KRT35: variants seen among roughly 807,000 people sequenced by gnomAD.
KRT35 encodes keratin 35.
In KRT35, 33 loss-of-function variants were observed where a neutral mutation model predicts 42.2. That is an observed-to-expected ratio of 0.78 (90% CI 0.59 to 1.05). The LOEUF (loss-of-function observed/expected upper bound fraction) is 1.05, where lower values mean the gene tolerates loss of function less well. Ranked by LOEUF, KRT35 falls within the 50% of genes least tolerant of loss-of-function variation. The pLI is 0.00. For missense variants in KRT35, 585 were observed against 589.2 expected (o/e 0.99, Z 0.07); for synonymous variants, 218 against 238.2 (o/e 0.92, Z 0.78).
chr17:41,478,916 C>A lies in KRT35; in HGVS notation c.791G>T (p.Arg264Leu), dbSNP rs573378713. 6.8e-6 allele frequency: 11 copies of A among 1,613,940 alleles called. No individual in the cohort carries two copies. Among genetic ancestry groups the A allele is most frequent in the Non-Finnish European group, 8.5e-6 (10 of 1,179,988 alleles). ...CTGGCACCTCATCTCCTCCAGAACT[C>A]GGTTCAGGTCAACAGGTGGGGCAGC... is the stretch of plus-strand genomic sequence containing the variant. ...VDAAPPVDLN[R>L]VLEEMRCQYE... Residue 264 changes from arginine (R) to leucine (L), a missense_variant, in exon 4 of 7, where the codon CGA (arginine) becomes CTA (leucine). Transcript: ENST00000246639.
At position 41,477,732 on chromosome 17, in the gene KRT35, C is replaced by T. The variant is rs369728149; in HGVS notation, c.1006G>A (p.Ala336Thr). 3 of 1,613,476 alleles carry T rather than the reference C, an allele frequency of 1.9e-6. No homozygotes were observed. Among genetic ancestry groups the T allele is most frequent in the African/African-American group, 1.3e-5 (1 of 74,906 alleles). Residue 336 changes from alanine to threonine, a missense_variant, in exon 6 of 7, where the codon GCT becomes ACT. Physicochemically the swap from Ala to Thr is moderately conservative, Grantham distance 58. Coordinates refer to ENST00000246639, the MANE Select transcript of KRT35 (RefSeq NM_002280.6). ...ELQAQHSMRDALESTLAETEA... is the reference protein window; with the variant it reads ...ELQAQHSMRDTLESTLAETEA... ...GTCTCTGCCAGGGTGGATTCCAAAG[C>T]ATCTCTCTGTGAGGGCAAGAGTTGT...
chr17:41,479,413 A>T lies in KRT35; in HGVS notation c.645T>A (p.Ser215=), dbSNP rs1411391908. ...GGGACTCCACCTGGGCCTCCAGGTCAGACTTGCACAGGGTCAGGTCATCCA... is the reference window on the plus strand; with the variant it reads ...GGGACTCCACCTGGGCCTCCAGGTCTGACTTGCACAGGGTCAGGTCATCCA... ...RILDDLTLCK[S]DLEAQVESLK... The change falls in exon 3 of 7, where the codon TCT becomes TCA. Residue 215 remains serine (S), a synonymous_variant. Coordinates refer to ENST00000246639, the MANE Select transcript of KRT35 (RefSeq NM_002280.6). The T allele has an allele frequency of 6.2e-7, 1 of 1,614,026 alleles. No homozygotes were observed. The highest frequency in any genetic ancestry group is 8.5e-7 in the Non-Finnish European group (1 of 1,180,028).
At chr17:41,479,038 C>T in intron 3 of KRT35, 43 bp from the exon 4 acceptor site, 3 of 1,568,094 alleles carry the variant, frequency 1.9e-6, no homozygotes, top group East Asian at 2.3e-5. Flanking sequence ...CAGAGGGCTG[C>T]CTCCAAGGTT....
chr17:41,480,967 G>A lies in KRT35; in HGVS notation c.131C>T (p.Pro44Leu). ...GCAGGCAGAGAAACTTCTGGCCACA[G>A]GGGAGAGACTTGGAAGCTTGCAAGA... is the stretch of plus-strand genomic sequence containing the variant. The part of the protein sequence containing the change: ...SSSCKLPSLS[P>L]VARSFSACSV... Residue 44 changes from proline (P) to leucine (L), a missense_variant, in exon 1 of 7, where the codon CCT becomes CTT. By Grantham distance (98) the Pro-to-Leu change is moderately conservative. Coordinates refer to ENST00000246639, the MANE Select transcript of KRT35 (RefSeq NM_002280.6). 6.2e-7 allele frequency: 1 copy of A among 1,614,186 alleles called. No individual in the cohort carries two copies. The highest frequency in any genetic ancestry group is 8.5e-7 in the Non-Finnish European group (1 of 1,180,042).
In KRT35 at chr17:41,477,674, A is replaced by G; in HGVS notation, c.1064T>C (p.Met355Thr). Residue 355 changes from methionine to threonine, a missense_variant, in exon 6 of 7, where the codon ATG (methionine) becomes ACG (threonine). Transcript: ENST00000246639. ...CTCCACGTTGGTGATCATGCACTGC[A>G]TCTGGGCCAGCTGGGAGCTATAGCG... ...EARYSSQLAQMQCMITNVEAQ... is the reference protein window; with the variant it reads ...EARYSSQLAQTQCMITNVEAQ... 6.2e-7 allele frequency: 1 copy of G among 1,614,264 alleles called. No individual in the cohort carries two copies. The highest frequency in any genetic ancestry group is 2.2e-5 in the East Asian group (1 of 44,892).
At chr17:41,479,531 T>C (rs1255142937) in intron 2 of KRT35, 28 bp from the exon 3 acceptor site, 3 of 1,606,864 alleles carry the variant, frequency 1.9e-6, no homozygotes, top group Non-Finnish European at 2.6e-6. Context: ...GGCACCTGAG[T>C]CTGCATTTCC....
chr17:41,477,016 C>A lies in KRT35; in HGVS notation c.*40G>T. On this transcript the variant is annotated 3_prime_UTR_variant, in exon 7 of 7. Transcript: ENST00000246639. Reference sequence around the variant, plus strand: ...AGTTTGGGTAGAGGCCAAGTTCAAGCCCTGGAGACAATAGCCATGGCCATC... The same window carrying A: ...AGTTTGGGTAGAGGCCAAGTTCAAGACCTGGAGACAATAGCCATGGCCATC... The A allele has an allele frequency of 6.6e-7, 1 of 1,523,336 alleles. No homozygotes were observed. 94.4% of individuals were successfully genotyped at this position (1,523,336 alleles called of 1,614,324 possible).
In KRT35 at chr17:41,477,040, T is replaced by TAA; in HGVS notation, c.*15_*16insTT. On this transcript the variant is annotated 3_prime_UTR_variant, in exon 7 of 7. Coordinates refer to ENST00000246639, the MANE Select transcript of KRT35 (RefSeq NM_002280.6). ...GCCCTGGAGACAATAGCCATGGCCATCTGGGTCACCCGCTCTCAGAACCGA... is the reference window on the plus strand; with the variant it reads ...GCCCTGGAGACAATAGCCATGGCCATAACTGGGTCACCCGCTCTCAGAACCGA... 1 of 1,544,220 alleles carries TAA rather than the reference T, an allele frequency of 6.5e-7. No individual in the cohort carries two copies. The highest frequency in any genetic ancestry group is 8.7e-7 in the Non-Finnish European group (1 of 1,151,680).
chr17:41,478,234 G>C, intron 5 of KRT35, 127 bp downstream of exon 5: 1 of 1,008,246 alleles, frequency 9.9e-7, no homozygotes. Flanking sequence ...TTTCTGCATA[G>C]AGAACCCCTG....
chr17:41,479,049 C>T, intron 3 of KRT35, 54 bp from the exon 4 acceptor site: 1 of 1,537,416 alleles, frequency 6.5e-7, no homozygotes, highest in Non-Finnish European at 8.9e-7. Flanking sequence ...CTCCAAGGTT[C>T]ACCTCCTCCT....
chr17:41,478,692 G>A (rs1050968256), intron 4 of KRT35, 142 bp downstream of exon 4: 5 of 1,068,644 alleles, frequency 4.7e-6, no homozygotes, highest in Non-Finnish European at 5.4e-6. Flanking sequence ...AAGGTCAATT[G>A]AAGTGGGTCT....
In KRT35 at chr17:41,480,689, C is replaced by T; in HGVS notation, c.409G>A (p.Val137Ile). 6.2e-7 allele frequency: 1 copy of T among 1,614,192 alleles called. No homozygotes were observed. Among genetic ancestry groups the T allele is most frequent in the South Asian group, 1.1e-5 (1 of 91,086 alleles). ...TGGTAGTCAGGGCACATGTAGGGGACCTGCTGCTCACACCACTCACGGATG... is the reference window on the plus strand; with the variant it reads ...TGGTAGTCAGGGCACATGTAGGGGATCTGCTGCTCACACCACTCACGGATG... ...SRIREWCEQQ[V>I]PYMCPDYQSY... Residue 137 changes from valine (V) to isoleucine (I), a missense_variant, in exon 1 of 7, where the codon GTC (valine) becomes ATC (isoleucine). Coordinates refer to ENST00000246639, the MANE Select transcript of KRT35 (RefSeq NM_002280.6).
intron 3 of KRT35, 28 bp downstream of exon 3, chr17:41,479,319 C>T: frequency 6.2e-7 from 1 of 1,609,068 alleles, no homozygotes; most frequent in East Asian, 2.2e-5. Context: ...ACCTGCTGTG[C>T]CGTGTTCACC....
chr17:41,480,516 C>T (rs2019236847), intron 1 of KRT35, 111 bp downstream of exon 1: 1 of 799,902 alleles, frequency 1.3e-6, no homozygotes, highest in Non-Finnish European at 2.0e-6. Flanking sequence ...AATGAGGCCA[C>T]AGAGATGAAC....
chr17:41,479,434 A>C lies in KRT35; in HGVS notation c.624T>G (p.Asp208Glu). The C allele has an allele frequency of 3.1e-6, 5 of 1,614,144 alleles. No homozygotes were observed. The highest frequency in any genetic ancestry group is 4.2e-6 in the Non-Finnish European group (5 of 1,180,006). Reference protein sequence around the residue: ...SDINGLRRILDDLTLCKSDLE... With the variant: ...SDINGLRRILEDLTLCKSDLE... ...GGTCAGACTTGCACAGGGTCAGGTCATCCAGGATCCTGCGCAGGCCGTTGA... is the reference window on the plus strand; with the variant it reads ...GGTCAGACTTGCACAGGGTCAGGTCCTCCAGGATCCTGCGCAGGCCGTTGA... The change falls in exon 3 of 7, where the codon GAT (aspartate) becomes GAG (glutamate). Residue 208 changes from aspartate to glutamate, a missense_variant. Transcript: ENST00000246639.
Position 41,479,690 on chromosome 17 carries a change from A to G in KRT35, c.554+9T>C. 2 of 1,612,840 alleles carry G rather than the reference A, an allele frequency of 1.2e-6. No individual in the cohort carries two copies. The highest frequency in any genetic ancestry group is 1.7e-6 in the Non-Finnish European group (2 of 1,178,872). On this transcript the variant is annotated intron_variant, in intron 2 of 6. Transcript: ENST00000246639. Reference sequence around the variant, plus strand: ...AGCCCCCAACCACATGACAAGCAGGACAACTCACTTGGTCCTGAAGTCATC... The same window carrying G: ...AGCCCCCAACCACATGACAAGCAGGGCAACTCACTTGGTCCTGAAGTCATC...
intron 1 of KRT35, among the ~76,000 whole-genome samples, 197 bp downstream of exon 1, chr17:41,480,430 C>T (rs897675131): frequency 2.9e-4 from 8 of 27,190 alleles, no homozygotes; most frequent in African/African-American, 2.2e-3. Context: ...GGGTCGCTTA[C>T]CCAGCCTGAA....
At chr17:41,479,548 C>A in intron 2 of KRT35, 45 bp from the exon 3 acceptor site, 1 of 1,599,714 alleles carries the variant, frequency 6.3e-7, no homozygotes. Context: ...TTCCTTTTTG[C>A]ATCTAAGTCA....
At position 41,476,842 on chromosome 17, in the gene KRT35, GA is replaced by G. The variant is rs1434857475; in HGVS notation, c.*213del. ...GAGAACAGAGACCCTGGCACCCATT[GA>G]AATGATGAGGAGTTGAGACCTTTGG... On this transcript the variant is annotated 3_prime_UTR_variant, in exon 7 of 7. Transcript: ENST00000246639. The G allele has an allele frequency of 2.1e-6, 1 of 475,128 alleles. No individual in the cohort carries two copies. Among genetic ancestry groups the G allele is most frequent in the Non-Finnish European group, 3.6e-6 (1 of 274,708 alleles). 29.4% of individuals were successfully genotyped at this position (475,128 alleles called of 1,614,324 possible).
Sources: allele counts gnomAD v4.1 joint callset (sites outside exome capture counted in the v4.1 genomes callset), GRCh38; gene constraint gnomAD v4.1.1; transcripts MANE v1.5; gene names NCBI Gene and HGNC (gene_info 2026-07-23, HGNC 2026-07-21).